The following GRIA3 variants were observed in gnomAD, a reference collection of about 807,000 sequenced individuals.
The protein encoded by GRIA3 is glutamate receptor 3.
In GRIA3, 3 loss-of-function variants were observed where a neutral mutation model predicts 63.0. That is an observed-to-expected ratio of 0.05 (90% confidence interval 0.02 to 0.12). The LOEUF (loss-of-function observed/expected upper bound fraction) is 0.12. Among genes scored for constraint, GRIA3 ranks in the 10% least tolerant of loss-of-function variants. GRIA3 has a pLI of 1.00. For synonymous variants in GRIA3, 274 were observed against 257.9 expected (o/e 1.06, Z -0.60); for missense variants, 347 against 700.9 (o/e 0.50, Z 5.70).
chrX:123,451,505 TAAAAAAAAAAA>T (rs56991039), intron 12 of GRIA3, among the ~76,000 whole-genome samples: 5 of 16,183 alleles, frequency 3.1e-4, no homozygotes, highest in Admixed American at 1.6e-3. Flanking sequence ...ACTCTGTCTC[TAAAAAAAAAAA>T]AAAAAAAAAA....
At chrX:123,283,430 G>T (rs1298284504) in intron 3 of GRIA3, among the ~76,000 whole-genome samples, 1 of 111,389 alleles carries the variant, frequency 9.0e-6, no homozygotes, top group Non-Finnish European at 1.9e-5. Flanking sequence ...GCTGAAGCCA[G>T]AAATCCAAGA....
chrX:123,347,453 A>C (rs1035078028), intron 4 of GRIA3, among the ~76,000 whole-genome samples: 1 of 112,393 alleles, frequency 8.9e-6, no homozygotes. Flanking sequence ...TCGAAAATAT[A>C]AACATGTTCA....
At chrX:123,435,130 T>C (rs2045637568) in intron 12 of GRIA3, among the ~76,000 whole-genome samples, 1 of 112,330 alleles carries the variant, frequency 8.9e-6, no homozygotes, top group African/African-American at 3.2e-5. Context: ...ACTAGATGAC[T>C]TTCCCTCCAG....
chrX:123,257,086 C>A (rs761982009), intron 3 of GRIA3, among the ~76,000 whole-genome samples: 4 of 111,233 alleles, frequency 3.6e-5, no homozygotes, highest in Admixed American at 9.6e-5. Flanking sequence ...TCTTGCCTAC[C>A]TCTAAACACC....
chrX:123,277,442 G>A (rs767488150), intron 3 of GRIA3, among the ~76,000 whole-genome samples: 1 of 111,354 alleles, frequency 9.0e-6, no homozygotes, highest in Admixed American at 9.6e-5. Flanking sequence ...AAAAGGGGTA[G>A]GAGTCTGAGG....
intron 3 of GRIA3, among the ~76,000 whole-genome samples, chrX:123,304,420 C>T (rs186906187): frequency 1.2e-3 from 131 of 111,642 alleles, no homozygotes; most frequent in African/African-American, 3.4e-3. Flanking sequence ...TGATGTCCTG[C>T]GATTATACCA....
At chrX:123,240,516 T>C (rs955940144) in intron 2 of GRIA3, among the ~76,000 whole-genome samples, 3 of 111,644 alleles carry the variant, frequency 2.7e-5, no homozygotes, top group Non-Finnish European at 3.8e-5. Context: ...AGGATTGCAT[T>C]TGGGAAATTT....
intron 10 of GRIA3, among the ~76,000 whole-genome samples, chrX:123,414,404 ATTTCTT>A (rs1242186402): frequency 1.8e-5 from 2 of 112,057 alleles, no homozygotes; most frequent in African/African-American, 3.2e-5. Context: ...GAGAACTGGC[ATTTCTT>A]TTTCTTTTTC....
At chrX:123,261,666 T>C (rs1038046485) in intron 3 of GRIA3, among the ~76,000 whole-genome samples, 1 of 111,229 alleles carries the variant, frequency 9.0e-6, no homozygotes, top group Non-Finnish European at 1.9e-5. Context: ...TCTGCACTGG[T>C]TTATCCAACT....
chrX:123,450,079 G>T (rs773897272), intron 12 of GRIA3, among the ~76,000 whole-genome samples: 1 of 112,238 alleles, frequency 8.9e-6, no homozygotes, highest in Non-Finnish European at 1.9e-5. Context: ...GCCAAGAACT[G>T]TTATGGGTGC....
chrX:123,476,752 T>G (rs1437988302), intron 13 of GRIA3, among the ~76,000 whole-genome samples: 3 of 111,128 alleles, frequency 2.7e-5, no homozygotes, highest in African/African-American at 3.3e-5. Flanking sequence ...AAGGCTAAAC[T>G]TCTAAGAGTA....
At chrX:123,214,803 C>T (rs1007863276) in intron 2 of GRIA3, among the ~76,000 whole-genome samples, 3 of 112,222 alleles carry the variant, frequency 2.7e-5, no homozygotes, top group Non-Finnish European at 5.6e-5. Context: ...ATGAAGAAAA[C>T]CTGACATACA....
chrX:123,230,220 T>C (rs2044269076), intron 2 of GRIA3, among the ~76,000 whole-genome samples: 1 of 111,761 alleles, frequency 8.9e-6, no homozygotes, highest in Non-Finnish European at 1.9e-5. Context: ...ATGTTGAACA[T>C]TAGTTACTTG....
chrX:123,244,402 T>C (rs1005142286), intron 2 of GRIA3, among the ~76,000 whole-genome samples: 1 of 111,730 alleles, frequency 9.0e-6, no homozygotes, highest in African/African-American at 3.3e-5. Context: ...ATTTCCCCTC[T>C]CCTACATCCC....
At chrX:123,267,664 T>C (rs929641870) in intron 3 of GRIA3, among the ~76,000 whole-genome samples, 1 of 111,960 alleles carries the variant, frequency 8.9e-6, no homozygotes, top group African/African-American at 3.2e-5. Flanking sequence ...ATGTGAGAAC[T>C]GTTATAGGTA....
chrX:123,402,342 A>T (rs1325184933), intron 7 of GRIA3, among the ~76,000 whole-genome samples: 2 of 110,169 alleles, frequency 1.8e-5, no homozygotes, highest in East Asian at 5.7e-4. Flanking sequence ...ATGTATTCTG[A>T]TGCTTAATAG....
At chrX:123,371,552 G>A (rs933154814) in intron 5 of GRIA3, among the ~76,000 whole-genome samples, 1 of 110,625 alleles carries the variant, frequency 9.0e-6, no homozygotes, top group African/African-American at 3.3e-5. Context: ...ATTTTTTATT[G>A]TCTGCCTTTG....
At position 123,417,731 on chromosome X, in the gene GRIA3, G is replaced by C. The variant is rs2045543834; in HGVS notation, c.1830G>C (p.Trp610Cys). 1 of 1,169,549 alleles carries C rather than the reference G, an allele frequency of 8.6e-7. No homozygotes were observed. Among genetic ancestry groups the C allele is most frequent in the Admixed American group, 2.5e-5 (1 of 39,842 alleles). ...PNEFGIFNSL[W>C]FSLGAFMQQG... is the part of the protein sequence containing the mutation. Reference sequence around the variant, plus strand: ...AATTTGGAATATTTAACAGTCTTTGGTTTTCCTTGGGTGCCTTTATGCAGC... The same window carrying C: ...AATTTGGAATATTTAACAGTCTTTGCTTTTCCTTGGGTGCCTTTATGCAGC... Residue 610 changes from tryptophan to cysteine, a missense_variant, in exon 11 of 16, where the codon TGG (tryptophan) becomes TGC (cysteine). This residue lies in a region of GRIA3 where 49 missense variants were observed against 176.6 expected (regional missense o/e 0.28). Coordinates refer to ENST00000620443, the MANE Select transcript of GRIA3 (RefSeq NM_007325.5).
At chrX:123,218,624 T>C (rs1928219063) in intron 2 of GRIA3, among the ~76,000 whole-genome samples, 1 of 111,438 alleles carries the variant, frequency 9.0e-6, no homozygotes, top group African/African-American at 3.3e-5. Context: ...TTACTGTCTC[T>C]TTAATGAGAC....
Sources: allele counts gnomAD v4.1 joint callset (sites outside exome capture counted in the v4.1 genomes callset), GRCh38; gene constraint gnomAD v4.1.1; regional missense constraint gnomAD v4.1.1; transcripts MANE v1.5; gene names NCBI Gene and HGNC (gene_info 2026-07-23, HGNC 2026-07-21).